The following SLC38A9 variants were observed in gnomAD, a reference collection of about 807,000 sequenced individuals.
SLC38A9 encodes solute carrier family 38 member 9.
In SLC38A9, 48 loss-of-function variants were observed where a neutral mutation model predicts 62.3. The ratio of observed to expected loss-of-function variants is 0.77; its 90% CI spans 0.61 to 0.98. The LOEUF (loss-of-function observed/expected upper bound fraction) is 0.98, where lower values mean the gene tolerates loss of function less well. Ranked by LOEUF, SLC38A9 falls within the 50% of genes least tolerant of loss-of-function variation. The pLI is 0.00. For synonymous variants in SLC38A9, 204 were observed against 227.7 expected, an observed-to-expected ratio of 0.90 and a Z score of 0.94; for missense variants, 541 against 679.8, an observed-to-expected ratio of 0.80 and a Z score of 2.27.
At chr5:55,635,327 TC>T (rs1380898659) in intron 13 of SLC38A9, 1 of 569,882 alleles carries the variant, frequency 1.8e-6, no homozygotes, top group Non-Finnish European at 3.1e-6. Flanking sequence ...CATCTAAAAA[TC>T]AAATGGGGGT....
At chr5:55,691,426 T>A (rs1754723580) in intron 3 of SLC38A9, 13 of 1,121,498 alleles carry the variant, frequency 1.2e-5, no homozygotes, top group Non-Finnish European at 1.5e-5. Flanking sequence ...GAGAAGGATA[T>A]GAAATCCCTA....
At position 55,658,873 on chromosome 5, in the gene SLC38A9, T is replaced by A. The variant is rs75384984; in HGVS notation, c.698-2099A>T. 3.2e-3 allele frequency among the ~76,000 whole-genome samples: 484 copies of A among 152,236 alleles called. 11 individuals carry two copies. The East Asian group carries it at 0.077, about 24-fold the overall frequency. ...CTCCAAAAAAGCAAATTCAATCCAG[T>A]AAGGCATTTGAAAAATATGTCATGA... On this transcript the variant is annotated intron_variant, in intron 8 of 15. Coordinates refer to ENST00000396865, the MANE Select transcript of SLC38A9 (RefSeq NM_173514.4).
intron 12 of SLC38A9, among the ~76,000 whole-genome samples, chr5:55,643,872 G>T (rs1745838149): frequency 6.6e-6 from 1 of 152,126 alleles, no homozygotes; most frequent in African/African-American, 2.4e-5. Flanking sequence ...TTTAATATTT[G>T]CATGGTATAT....
intron 8 of SLC38A9, among the ~76,000 whole-genome samples, chr5:55,660,820 A>T (rs1490781704): frequency 6.6e-6 from 1 of 152,220 alleles, no homozygotes; most frequent in Non-Finnish European, 1.5e-5. Flanking sequence ...TCAGAAAAAA[A>T]TATCTAAAAG....
At chr5:55,648,167 A>T (rs1489597583) in intron 11 of SLC38A9, among the ~76,000 whole-genome samples, 2 of 152,138 alleles carry the variant, frequency 1.3e-5, no homozygotes, top group African/African-American at 2.4e-5. Flanking sequence ...TGAACCTGGG[A>T]GGGGGAAGGT....
chr5:55,675,856 G>A (rs773880732), intron 3 of SLC38A9, among the ~76,000 whole-genome samples: 32 of 151,748 alleles, frequency 2.1e-4, no homozygotes, highest in Non-Finnish European at 4.0e-4. Context: ...AAAATTTTTG[G>A]CTTATACATC....
intron 10 of SLC38A9, among the ~76,000 whole-genome samples, chr5:55,651,704 G>A (rs1747509576): frequency 6.6e-6 from 1 of 152,136 alleles, no homozygotes; most frequent in African/African-American, 2.4e-5. Context: ...TACGAAGCCT[G>A]AGATAGAGAA....
chr5:55,640,419 C>A (rs896001402), intron 12 of SLC38A9, among the ~76,000 whole-genome samples: 3 of 152,158 alleles, frequency 2.0e-5, no homozygotes, highest in Admixed American at 2.0e-4. Flanking sequence ...GTGGAAAGAA[C>A]TCATTTTATG....
chr5:55,665,882 G>C (rs534800433), intron 7 of SLC38A9, among the ~76,000 whole-genome samples: 2 of 152,312 alleles, frequency 1.3e-5, no homozygotes, highest in South Asian at 4.1e-4. Context: ...AGGATCCCTT[G>C]AGACCAGGAG....
At chr5:55,647,183 T>TTTA (rs1055933205) in intron 11 of SLC38A9, among the ~76,000 whole-genome samples, 5 of 85,854 alleles carry the variant, frequency 5.8e-5, no homozygotes, top group African/African-American at 1.8e-4. Context: ...TTATTTTATT[T>TTTA]TTTATTTTTT....
intron 2 of SLC38A9, among the ~76,000 whole-genome samples, chr5:55,708,373 C>A (rs1235914236): frequency 1.3e-5 from 2 of 152,002 alleles, no homozygotes; most frequent in Admixed American, 1.3e-4. Context: ...CACTTCTCTC[C>A]GTAAAAAGGA....
intron 12 of SLC38A9, among the ~76,000 whole-genome samples, chr5:55,643,456 G>A (rs975794594): frequency 1.3e-5 from 2 of 152,130 alleles, no homozygotes; most frequent in Admixed American, 1.3e-4. Flanking sequence ...CCAGCATATG[G>A]TCTATCTTGG....
At chr5:55,662,687 CA>C (rs200454419) in intron 8 of SLC38A9, among the ~76,000 whole-genome samples, 41 of 141,138 alleles carry the variant, frequency 2.9e-4, no homozygotes, top group African/African-American at 7.8e-4. Context: ...AAAAAAAAAC[CA>C]AAAAAAAAAA....
intron 5 of SLC38A9, 26 bp downstream of exon 5, chr5:55,669,732 A>G: frequency 6.2e-7 from 1 of 1,606,990 alleles, no homozygotes; most frequent in South Asian, 1.1e-5. Flanking sequence ...AGTTTAAGTC[A>G]TGCTCCAAAA....
At chr5:55,700,855 G>C (rs4865620) in intron 2 of SLC38A9, among the ~76,000 whole-genome samples, 91,229 of 151,926 alleles carry the variant, frequency 0.6, 27,949 homozygotes, top group South Asian at 0.7. Context: ...TTTTCCCTAC[G>C]TCACTGGTCC....
chr5:55,669,499 C>T, intron 6 of SLC38A9, 58 bp downstream of exon 6: 1 of 1,470,828 alleles, frequency 6.8e-7, no homozygotes, highest in Non-Finnish European at 9.3e-7. Context: ...TGTTATAAAA[C>T]TTACAATATA....
chr5:55,677,700 T>C (rs914523537), intron 3 of SLC38A9, among the ~76,000 whole-genome samples: 32 of 125,418 alleles, frequency 2.6e-4, no homozygotes, highest in Non-Finnish European at 5.4e-4. Context: ...CCCAGCTAAT[T>C]AAAAAAAAAA....
chr5:55,691,330 G>C (rs1276397958), intron 3 of SLC38A9: 7 of 1,448,758 alleles, frequency 4.8e-6, no homozygotes, highest in African/African-American at 4.3e-5. Flanking sequence ...GGTGAATAAG[G>C]GGCAGAAGAA....
At chr5:55,637,235 C>T (rs1009013265) in intron 12 of SLC38A9, among the ~76,000 whole-genome samples, 42 of 152,270 alleles carry the variant, frequency 2.8e-4, no homozygotes, top group African/African-American at 9.4e-4. Flanking sequence ...CTGATCACCA[C>T]GTTATTTTGG....
Sources: allele counts gnomAD v4.1 joint callset (sites outside exome capture counted in the v4.1 genomes callset), GRCh38; gene constraint gnomAD v4.1.1; transcripts MANE v1.5; gene names NCBI Gene and HGNC (gene_info 2026-07-23, HGNC 2026-07-21).